Variants in SPO11 observed in about 807,000 individuals in gnomAD.
SPO11 encodes SPO11 initiator of meiotic double strand breaks.
SPO11 carries 49 observed loss-of-function variants against 51.6 expected under a neutral mutation model. The ratio of observed to expected loss-of-function variants is 0.95; its 90% CI spans 0.75 to 1.20. SPO11 has a LOEUF of 1.20. SPO11 is among the 50% of genes most tolerant of loss of function. The probability of loss-of-function intolerance (pLI) is 0.00; values close to 1 mark genes in which losing one functional copy is unlikely to be tolerated. For synonymous variants in SPO11, 176 were observed against 158.2 expected (o/e 1.11, Z -0.84); for missense variants, 431 against 473.4 (o/e 0.91, Z 0.83).
At chr20:57,337,724 ATT>A (rs11476029) in intron 8 of SPO11, 1 of 1,282,458 alleles carries the variant, frequency 7.8e-7, no homozygotes, top group South Asian at 1.2e-5. Context: ...TATAATGTAC[ATT>A]TTTTTTTCAC....
At chr20:57,340,834 A>G (rs1285599925) in intron 11 of SPO11, among the ~76,000 whole-genome samples, 1 of 152,222 alleles carries the variant, frequency 6.6e-6, no homozygotes, top group East Asian at 1.9e-4. Context: ...CATTTGCCAT[A>G]TGAATCAATT....
At chr20:57,338,445 T>TA in intron 9 of SPO11, 70 bp downstream of exon 9, 2 of 1,103,782 alleles carry the variant, frequency 1.8e-6, no homozygotes, top group Non-Finnish European at 2.6e-6. Flanking sequence ...GTTTTCTTCC[T>TA]CTTTTTTTTT....
intron 5 of SPO11, 60 bp from the exon 6 acceptor site, chr20:57,334,690 C>A (rs2066490218): frequency 1.5e-6 from 2 of 1,376,308 alleles, no homozygotes; most frequent in Non-Finnish European, 2.0e-6. Flanking sequence ...CAAGGAGTGA[C>A]TTAATAGCAT....
At position 57,343,491 on chromosome 20, in the gene SPO11, A is replaced by G. The variant is rs764893123; in HGVS notation, c.*31A>G. 3 of 1,571,898 alleles carry G rather than the reference A, an allele frequency of 1.9e-6. No homozygotes were observed. Among genetic ancestry groups the G allele is most frequent in the Middle Eastern group, 1.8e-4 (1 of 5,712 alleles). ...AATCAGAAGAACTTCTGATTGCCAG[A>G]GGCTTTTCATTAGTTTTGTTTTGAT... On this transcript the variant is annotated 3_prime_UTR_variant, in exon 13 of 13. Transcript: ENST00000371263.
chr20:57,337,698 C>T (rs6014980), intron 8 of SPO11: 1 of 1,260,896 alleles, frequency 7.9e-7, no homozygotes, highest in Non-Finnish European at 1.0e-6. Context: ...ATTCCCAGTC[C>T]TTCAGTCTGT....
intron 6 of SPO11, 60 bp from the exon 7 acceptor site, chr20:57,335,359 A>G: frequency 1.4e-6 from 2 of 1,412,704 alleles, no homozygotes; most frequent in Non-Finnish European, 9.8e-7. Flanking sequence ...GGGCTTTGTG[A>G]TAAACTAAAA....
chr20:57,337,539 A>G (rs2146091995), intron 8 of SPO11, among the ~76,000 whole-genome samples: 1 of 152,266 alleles, frequency 6.6e-6, no homozygotes, highest in South Asian at 2.1e-4. Context: ...CTGCCTCTCC[A>G]CATCCCTGTT....
In SPO11 at chr20:57,331,762, G is replaced by T. The variant is rs566568538; in HGVS notation, c.132-71G>T. 1.3e-4 allele frequency: 98 copies of T among 780,734 alleles called. No homozygotes were observed. The African/African-American group carries it at 1.7e-3, about 14-fold the overall frequency. 48.4% of individuals were successfully genotyped at this position (780,734 alleles called of 1,614,324 possible). On this transcript the variant is annotated intron_variant, in intron 1 of 12. Coordinates refer to ENST00000371263, the MANE Select transcript of SPO11 (RefSeq NM_012444.3). ...TAAAAAGTTACTTTAGTATTGATCT[G>T]GGAAAATCTTACATATTAAAAAGTC... is the stretch of plus-strand genomic sequence containing the variant.
chr20:57,338,188 G>A, intron 8 of SPO11, 88 bp from the exon 9 acceptor site: 2 of 1,009,866 alleles, frequency 2.0e-6, no homozygotes, highest in Non-Finnish European at 3.0e-6. Flanking sequence ...ACTGCGTCCA[G>A]CCTAACTTTT....
rs746660064 is a variant in SPO11, at chr20:57,331,950, G to A, written c.245+4G>A. 8 of 1,536,802 alleles carry A rather than the reference G, an allele frequency of 5.2e-6. No individual in the cohort carries two copies. The highest frequency in any genetic ancestry group is 1.4e-5 in the African/African-American group (1 of 71,754). ...GATCAAGCTGGGAAAACATAAAGTG[G>A]GCATTTTGCATTTTTATTTTTTAAA... On this transcript the variant is annotated splice_donor_region_variant and intron_variant, in intron 2 of 12. Transcript: ENST00000371263.
intron 1 of SPO11, among the ~76,000 whole-genome samples, chr20:57,330,582 C>T (rs764113717): frequency 5.9e-5 from 9 of 151,922 alleles, no homozygotes; most frequent in Non-Finnish European, 1.2e-4. Context: ...TTACAGGAAC[C>T]CTCCAGCTAT....
In SPO11 at chr20:57,339,025, T is replaced by C. The variant is rs1331428643; in HGVS notation, c.881T>C (p.Met294Thr). ...ATGTGCATCTATAAGTATGGATCTA[T>C]GGTAAGTATAGAAAAGCAGTTTTCC... ...EIMCIYKYGS[M>T]SMSFEAHHLT... Residue 294 changes from methionine (M) to threonine (T), a missense_variant and splice_region_variant, in exon 10 of 13, where the codon ATG becomes ACG. By Grantham distance (81) the Met-to-Thr change is moderately conservative. Coordinates refer to ENST00000371263, the MANE Select transcript of SPO11 (RefSeq NM_012444.3). 1 of 1,471,550 alleles carries C rather than the reference T, an allele frequency of 6.8e-7. No homozygotes were observed. The highest frequency in any genetic ancestry group is 9.2e-7 in the Non-Finnish European group (1 of 1,082,960). 91.2% of individuals were successfully genotyped at this position (1,471,550 alleles called of 1,614,324 possible).
chr20:57,337,137 G>A (rs927340192), intron 8 of SPO11, among the ~76,000 whole-genome samples: 2 of 151,954 alleles, frequency 1.3e-5, no homozygotes, highest in Non-Finnish European at 2.9e-5. Flanking sequence ...ATTCAAACTC[G>A]GAGCTGTGAC....
At chr20:57,341,730 C>T (rs2066584159) in intron 11 of SPO11, among the ~76,000 whole-genome samples, 1 of 152,186 alleles carries the variant, frequency 6.6e-6, no homozygotes. Flanking sequence ...GTCAGAATCC[C>T]TTGGGGGTGA....
intron 11 of SPO11, among the ~76,000 whole-genome samples, chr20:57,341,425 C>T (rs989319083): frequency 1.3e-5 from 2 of 152,156 alleles, no homozygotes; most frequent in Admixed American, 1.3e-4. Flanking sequence ...TCCACCTGTC[C>T]CTCAGCTTAT....
At chr20:57,335,032 T>C (rs998218466) in intron 6 of SPO11, among the ~76,000 whole-genome samples, 196 bp downstream of exon 6, 2 of 152,202 alleles carry the variant, frequency 1.3e-5, no homozygotes, top group African/African-American at 4.8e-5. Context: ...AAATGTCAGA[T>C]TGAAATAAAC....
Position 57,331,941 on chromosome 20 carries a change from CAT to C in SPO11, c.242_243del (p.Ile81LysfsTer3), listed in dbSNP as rs1175025355. The C allele has an allele frequency of 1.9e-6, 3 of 1,566,798 alleles. No homozygotes were observed. The highest frequency in any genetic ancestry group is 1.4e-5 in the African/African-American group (1 of 72,780). ...TIDNRSSWEN[I>X]KFEDSVGLQM... The stretch of plus-strand genomic sequence containing the variant: ...TAGACAACAGATCAAGCTGGGAAAA[CAT>C]AAAGTGGGCATTTTGCATTTTTATT... On this transcript the variant is annotated frameshift_variant, in exon 2 of 13. Transcript: ENST00000371263. LOFTEE classifies it high-confidence loss of function.
At chr20:57,338,940 C>G (rs1402119099) in intron 9 of SPO11, 49 bp from the exon 10 acceptor site, 1 of 1,209,956 alleles carries the variant, frequency 8.3e-7, no homozygotes, top group Non-Finnish European at 1.2e-6. Flanking sequence ...TGCAAATTAA[C>G]CTGTAATATG....
At chr20:57,332,594 T>G (rs2066463466) in intron 2 of SPO11, among the ~76,000 whole-genome samples, 1 of 152,206 alleles carries the variant, frequency 6.6e-6, no homozygotes, top group Admixed American at 6.5e-5. Flanking sequence ...TCTATATAAG[T>G]AATATAAGCT....
Sources: gnomAD v4.1 joint callset for allele counts (sites outside exome capture counted in the v4.1 genomes callset) on GRCh38, gnomAD v4.1.1 for gene constraint, MANE v1.5 for transcripts, NCBI Gene and HGNC (gene_info 2026-07-23, HGNC 2026-07-21) for gene names.